Variants in VWA8 observed in about 807,000 individuals in gnomAD.
VWA8 encodes the protein von Willebrand factor A domain-containing protein 8.
VWA8 carries 221 observed loss-of-function variants against 241.5 expected under a neutral mutation model. That is an observed-to-expected ratio of 0.91 (90% CI 0.82 to 1.02). The LOEUF is 1.02. Among genes scored for constraint, VWA8 ranks in the 50% least tolerant of loss-of-function variants. VWA8 has a pLI of 0.00. For missense variants in VWA8, 2,322 were observed against 2,328.7 expected, an observed-to-expected ratio of 1.00 and a Z score of 0.06; for synonymous variants, 852 against 827.1, an observed-to-expected ratio of 1.03 and a Z score of -0.52.
intron 2 of VWA8, among the ~76,000 whole-genome samples, chr13:41,927,898 G>A (rs1433762545): frequency 6.6e-6 from 1 of 152,122 alleles, no homozygotes; most frequent in Non-Finnish European, 1.5e-5. Flanking sequence ...GTAAAGGGAT[G>A]GAAGAAGATA....
chr13:41,591,149 T>C (rs1260860946), intron 40 of VWA8, among the ~76,000 whole-genome samples: 3 of 152,216 alleles, frequency 2.0e-5, no homozygotes, highest in Non-Finnish European at 4.4e-5. Context: ...CCAGAGAAAA[T>C]GTGACCTTTA....
At chr13:41,834,273 T>G (rs145453415) in intron 12 of VWA8, among the ~76,000 whole-genome samples, 266 of 152,334 alleles carry the variant, frequency 1.7e-3, no homozygotes, top group Middle Eastern at 6.8e-3. Flanking sequence ...TATGAACAAT[T>G]TTTTCTTACA....
intron 43 of VWA8, among the ~76,000 whole-genome samples, chr13:41,572,758 C>T (rs1330182441): frequency 6.7e-6 from 1 of 149,368 alleles, no homozygotes; most frequent in Non-Finnish European, 1.5e-5. Flanking sequence ...CTGCCAAATC[C>T]CCCTCTCCGA....
At chr13:41,643,080 G>C (rs1367830115) in intron 37 of VWA8, among the ~76,000 whole-genome samples, 2 of 152,194 alleles carry the variant, frequency 1.3e-5, no homozygotes, top group African/African-American at 4.8e-5. Context: ...AGGCAAAGGT[G>C]ATCCTGACAG....
At chr13:41,667,818 A>G (rs911240270) in intron 37 of VWA8, among the ~76,000 whole-genome samples, 7 of 152,204 alleles carry the variant, frequency 4.6e-5, no homozygotes, top group African/African-American at 1.7e-4. Flanking sequence ...ATAAATATGC[A>G]TTCTTAATAA....
chr13:41,641,134 C>T (rs536886671), intron 37 of VWA8, among the ~76,000 whole-genome samples: 186 of 152,198 alleles, frequency 1.2e-3, no homozygotes, highest in Non-Finnish European at 1.4e-3. Flanking sequence ...TTCAAGCACG[C>T]ACCCTGAATG....
chr13:41,918,433 T>C (rs529648231), intron 2 of VWA8, among the ~76,000 whole-genome samples: 1 of 152,362 alleles, frequency 6.6e-6, no homozygotes, highest in East Asian at 1.9e-4. Context: ...TGTTCACTTT[T>C]TGTGTAAGGG....
At chr13:41,611,991 A>C (rs1309206905) in intron 38 of VWA8, among the ~76,000 whole-genome samples, 2 of 152,190 alleles carry the variant, frequency 1.3e-5, no homozygotes, top group African/African-American at 4.8e-5. Context: ...CTACCTCATA[A>C]GGATCCATAC....
chr13:41,792,151 A>T (rs1025031193), intron 17 of VWA8, among the ~76,000 whole-genome samples: 1 of 151,912 alleles, frequency 6.6e-6, no homozygotes, highest in African/African-American at 2.4e-5. Flanking sequence ...ACTTTGCATA[A>T]ATATCTATTC....
chr13:41,927,644 T>C (rs996490583), intron 2 of VWA8, among the ~76,000 whole-genome samples: 2 of 151,316 alleles, frequency 1.3e-5, no homozygotes, highest in African/African-American at 2.4e-5. Flanking sequence ...AATCAAAGCA[T>C]AGTGTTATAG....
chr13:41,849,973 T>G (rs921179320), intron 12 of VWA8, among the ~76,000 whole-genome samples: 2 of 152,204 alleles, frequency 1.3e-5, no homozygotes, highest in African/African-American at 4.8e-5. Flanking sequence ...CCAGCAGGAC[T>G]ATGACTTCAT....
chr13:41,682,661 G>T (rs1366443809), intron 35 of VWA8, among the ~76,000 whole-genome samples: 1 of 152,088 alleles, frequency 6.6e-6, no homozygotes, highest in Non-Finnish European at 1.5e-5. Context: ...GTTGGGTGCT[G>T]CTTGAGCCTG....
chr13:41,934,100 T>C (rs1028742310), intron 2 of VWA8, among the ~76,000 whole-genome samples: 1 of 130,300 alleles, frequency 7.7e-6, no homozygotes, highest in Non-Finnish European at 1.7e-5. Context: ...CCAGACTATA[T>C]AAAGAAAAAG....
At chr13:41,757,340 T>C (rs2045701591) in intron 21 of VWA8, among the ~76,000 whole-genome samples, 1 of 151,808 alleles carries the variant, frequency 6.6e-6, no homozygotes, top group South Asian at 2.1e-4. Flanking sequence ...ATATAATACA[T>C]CGTTCATACA....
intron 14 of VWA8, among the ~76,000 whole-genome samples, chr13:41,829,326 A>G (rs906314152): frequency 6.6e-6 from 1 of 152,180 alleles, no homozygotes; most frequent in Non-Finnish European, 1.5e-5. Context: ...TATGGAAAAC[A>G]GTATGGAGAG....
At chr13:41,803,390 A>T (rs1327224228) in intron 17 of VWA8, among the ~76,000 whole-genome samples, 1 of 152,214 alleles carries the variant, frequency 6.6e-6, no homozygotes, top group Non-Finnish European at 1.5e-5. Flanking sequence ...CCATTTTCAC[A>T]CTGTTGATAA....
At chr13:41,838,425 A>C (rs1871840743) in intron 12 of VWA8, among the ~76,000 whole-genome samples, 1 of 152,166 alleles carries the variant, frequency 6.6e-6, no homozygotes, top group African/African-American at 2.4e-5. Flanking sequence ...TTTACATTAT[A>C]ATGCACATAT....
chr13:41,736,844 CTTTTTTT>C (rs5803100), intron 21 of VWA8, among the ~76,000 whole-genome samples: 13 of 128,488 alleles, frequency 1.0e-4, no homozygotes, highest in East Asian at 4.5e-4. Flanking sequence ...TTTTTCTTTT[CTTTTTTT>C]TTTTTTTTTT....
intron 37 of VWA8, among the ~76,000 whole-genome samples, chr13:41,667,107 C>G (rs1346277754): frequency 6.6e-6 from 1 of 152,126 alleles, no homozygotes; most frequent in Admixed American, 6.6e-5. Flanking sequence ...TGAAGATTAC[C>G]TAGCATGTAA....
Sources: gnomAD v4.1 joint callset for allele counts (sites outside exome capture counted in the v4.1 genomes callset) on GRCh38, gnomAD v4.1.1 for gene constraint, MANE v1.5 for transcripts, NCBI Gene and HGNC (gene_info 2026-07-23, HGNC 2026-07-21) for gene names.